Variants in ADAM7 observed in about 807,000 individuals in gnomAD.
ADAM7 encodes disintegrin and metalloproteinase domain-containing protein 7.
In ADAM7, 97 loss-of-function variants were observed where a neutral mutation model predicts 102.9. That is an observed-to-expected ratio of 0.94 (90% confidence interval 0.80 to 1.12). ADAM7 has a LOEUF of 1.12. Ranked by LOEUF, ADAM7 falls within the 50% of genes most tolerant of loss-of-function variation. ADAM7 has a pLI of 0.00. For synonymous variants in ADAM7, 334 were observed against 304.4 expected (o/e 1.10, Z -1.01); for missense variants, 991 against 908.7 (o/e 1.09, Z -1.16).
Position 24,452,575 on chromosome 8 carries a change from G to C in ADAM7, c.233+5313G>C, listed in dbSNP as rs554623864. ...ACGTGAGATGGGTTTCCTGAATACA[G>C]CACACTGATGGGTCTTGACTCTTTA... is the stretch of plus-strand genomic sequence containing the variant. On this transcript the variant is annotated intron_variant, in intron 3 of 21. Transcript: ENST00000175238. 2.8e-3 allele frequency among the ~76,000 whole-genome samples: 421 copies of C among 151,526 alleles called. 2 individuals carry two copies. The highest frequency in any genetic ancestry group is 9.9e-3 in the African/African-American group (410 of 41,286).
At chr8:24,487,063 CT>C (rs1367846081) in intron 10 of ADAM7, 123 bp from the exon 11 acceptor site, 3 of 1,028,668 alleles carry the variant, frequency 2.9e-6, no homozygotes, top group Non-Finnish European at 4.1e-6. Flanking sequence ...GAGTCCATGC[CT>C]TTTTAAATAG....
intron 6 of ADAM7, chr8:24,467,513 T>C (rs7843043): frequency 0.72 from 111,498 of 155,014 alleles, 40,939 homozygotes; most frequent in African/African-American, 0.81. Flanking sequence ...TGGATGTTAG[T>C]CTGTAAGCTA....
At chr8:24,446,751 A>G (rs981047648) in intron 2 of ADAM7, among the ~76,000 whole-genome samples, 3 of 151,710 alleles carry the variant, frequency 2.0e-5, no homozygotes, top group Non-Finnish European at 2.9e-5. Flanking sequence ...GAGCTGCTAC[A>G]TGGACATATG....
chr8:24,454,925 C>T (rs955268577), intron 3 of ADAM7, among the ~76,000 whole-genome samples: 1 of 152,198 alleles, frequency 6.6e-6, no homozygotes, highest in African/African-American at 2.4e-5. Context: ...TCTGTGGAAA[C>T]GTTGATTGGG....
chr8:24,454,867 C>T lies in ADAM7; in HGVS notation c.233+7605C>T, dbSNP rs554653440. On this transcript the variant is annotated intron_variant, in intron 3 of 21. Coordinates refer to ENST00000175238, the MANE Select transcript of ADAM7 (RefSeq NM_003817.4). ...TTTATAAACTCATGTTGAGAAATAG[C>T]GATGAATCTTTCTAGGACAACAATG... Among the ~76,000 whole-genome samples, 203 of 152,134 alleles carry T rather than the reference C, an allele frequency of 1.3e-3. 2 individuals are homozygous for T. Among genetic ancestry groups the T allele is most frequent in the Non-Finnish European group, 1.1e-3 (75 of 68,018 alleles).
intron 7 of ADAM7, among the ~76,000 whole-genome samples, chr8:24,475,690 C>T (rs755837171): frequency 6.6e-6 from 1 of 152,038 alleles, no homozygotes; most frequent in Non-Finnish European, 1.5e-5. Context: ...CAAGCAGATA[C>T]TTGCGGGATT....
intron 4 of ADAM7, 65 bp downstream of exon 4, chr8:24,464,025 C>T (rs1819342083): frequency 7.0e-7 from 1 of 1,425,436 alleles, no homozygotes; most frequent in African/African-American, 1.4e-5. Flanking sequence ...GATTTTGAAA[C>T]CCTGTTCTAG....
At chr8:24,471,017 T>C (rs183653240) in intron 7 of ADAM7, among the ~76,000 whole-genome samples, 7 of 152,196 alleles carry the variant, frequency 4.6e-5, no homozygotes, top group Admixed American at 3.3e-4. Flanking sequence ...AAGACAATGA[T>C]AGTGATGGTC....
intron 7 of ADAM7, among the ~76,000 whole-genome samples, chr8:24,472,702 A>G (rs1429327000): frequency 6.6e-6 from 1 of 152,040 alleles, no homozygotes; most frequent in African/African-American, 2.4e-5. Flanking sequence ...ATTAGAAAAC[A>G]AAACAATATA....
intron 19 of ADAM7, among the ~76,000 whole-genome samples, chr8:24,501,270 C>T (rs1820750622): frequency 6.6e-6 from 1 of 152,002 alleles, no homozygotes; most frequent in African/African-American, 2.4e-5. Context: ...CTTCCCACAT[C>T]AAGAATCAGG....
intron 11 of ADAM7, 44 bp from the exon 12 acceptor site, chr8:24,489,115 C>A (rs200779941): frequency 6.5e-7 from 1 of 1,541,056 alleles, no homozygotes. Flanking sequence ...TACCACTATG[C>A]ATTGATATGA....
rs551119685 is a variant in ADAM7, at chr8:24,485,430, T to C, written c.960+69T>C. 3.5e-6 allele frequency: 5 copies of C among 1,414,798 alleles called. No homozygotes were observed. In the African/African-American group the frequency reaches 4.3e-5, roughly 12 times the overall value. 87.6% of individuals were successfully genotyped at this position (1,414,798 alleles called of 1,614,324 possible). On this transcript the variant is annotated intron_variant, in intron 10 of 21. Transcript: ENST00000175238. ...AATTGTTGTAATGTCCTGGGTTCCA[T>C]GGAAAGAGACTATGTATGCATTTTG... is the stretch of plus-strand genomic sequence containing the variant.
At chr8:24,501,005 A>C in intron 19 of ADAM7, 110 bp downstream of exon 19, 1 of 852,538 alleles carries the variant, frequency 1.2e-6, no homozygotes, top group South Asian at 1.7e-5. Flanking sequence ...TTCTTACTGA[A>C]GATCAGGTAA....
rs559666747 is a variant in ADAM7, at chr8:24,495,382, C to A, written c.1842+2153C>A. ...AAATGCTTCAGTGAACAATTATGCACACGCTTGAAATAAATGAAAAAAATA... is the reference window on the plus strand; with the variant it reads ...AAATGCTTCAGTGAACAATTATGCAAACGCTTGAAATAAATGAAAAAAATA... On this transcript the variant is annotated intron_variant, in intron 16 of 21. Transcript: ENST00000175238. Among the ~76,000 whole-genome samples the A allele has an allele frequency of 3.3e-5, 5 of 151,684 alleles. No homozygotes were observed. In the East Asian group the frequency reaches 9.7e-4, roughly 29 times the overall value.
At chr8:24,496,934 C>T (rs561238305) in intron 16 of ADAM7, among the ~76,000 whole-genome samples, 6 of 152,120 alleles carry the variant, frequency 3.9e-5, no homozygotes, top group African/African-American at 1.4e-4. Flanking sequence ...AATGTGAGGA[C>T]ATGAGATTTG....
intron 3 of ADAM7, among the ~76,000 whole-genome samples, chr8:24,459,594 T>C (rs948498495): frequency 6.6e-6 from 1 of 152,100 alleles, no homozygotes; most frequent in African/African-American, 2.4e-5. Flanking sequence ...TATCTGAGAC[T>C]GAAGCCATGT....
At chr8:24,487,040 G>A (rs1392658267) in intron 10 of ADAM7, 147 bp from the exon 11 acceptor site, 1 of 737,784 alleles carries the variant, frequency 1.4e-6, no homozygotes, top group South Asian at 2.4e-5. Context: ...AGGTACAGAG[G>A]AGAGAAGTAA....
At chr8:24,483,308 A>G (rs1261734344) in intron 9 of ADAM7, among the ~76,000 whole-genome samples, 1 of 152,214 alleles carries the variant, frequency 6.6e-6, no homozygotes, top group African/African-American at 2.4e-5. Flanking sequence ...CTGTTATCCT[A>G]AAGAATGCTA....
chr8:24,464,258 T>TC (rs1296377770), intron 4 of ADAM7, among the ~76,000 whole-genome samples: 2 of 152,252 alleles, frequency 1.3e-5, no homozygotes, highest in East Asian at 3.9e-4. Flanking sequence ...ACACCAAAAA[T>TC]ATAAGGCACC....
Sources: allele counts gnomAD v4.1 joint callset (sites outside exome capture counted in the v4.1 genomes callset), GRCh38; gene constraint gnomAD v4.1.1; transcripts MANE v1.5; gene names NCBI Gene and HGNC (gene_info 2026-07-23, HGNC 2026-07-21).